The following EHBP1 variants were observed in gnomAD, a reference collection of about 807,000 sequenced individuals.
EHBP1 encodes the protein EH domain binding protein 1, also known as EH domain-binding protein 1.
Under a neutral mutation model 144.0 loss-of-function variants are expected in EHBP1, and 55 were observed. That is an observed-to-expected ratio of 0.38 (90% CI 0.31 to 0.48). The LOEUF (loss-of-function observed/expected upper bound fraction) is 0.48, where lower values mean the gene tolerates loss of function less well. Ranked by LOEUF, EHBP1 falls within the 20% of genes least tolerant of loss-of-function variation. The probability of loss-of-function intolerance (pLI) is 0.98; values close to 1 mark genes in which losing one functional copy is unlikely to be tolerated. For synonymous variants in EHBP1, 469 were observed against 472.7 expected (o/e 0.99, Z 0.10); for missense variants, 1,200 against 1,364.2 (o/e 0.88, Z 1.90).
chr2:62,864,992 T>C, intron 9 of EHBP1, 21 bp downstream of exon 9: 3 of 1,609,758 alleles, frequency 1.9e-6, no homozygotes, highest in East Asian at 2.2e-5. Context: ...TTCATTTTGC[T>C]GTCATCACAA....
chr2:62,817,395 G>C (rs769881704), intron 5 of EHBP1, among the ~76,000 whole-genome samples: 1 of 152,064 alleles, frequency 6.6e-6, no homozygotes, highest in Non-Finnish European at 1.5e-5. Flanking sequence ...AAATGCAGAG[G>C]CTCTAAGGGA....
In EHBP1 at chr2:62,966,260, G is replaced by A. The variant is rs368694779; in HGVS notation, c.2460+10600G>A. Among the ~76,000 whole-genome samples the A allele has an allele frequency of 5.9e-5, 9 of 152,174 alleles. No homozygotes were observed. The East Asian group carries it at 1.7e-3, about 29-fold the overall frequency. On this transcript the variant is annotated intron_variant, in intron 14 of 22. Transcript: ENST00000431489. ...TAGAGGGGGGAGTTTTATAATTTGA[G>A]GAAAGGGAATAGTTAGATTTTTTCC...
chr2:62,877,962 A>G (rs2051033287), intron 10 of EHBP1, among the ~76,000 whole-genome samples: 1 of 152,210 alleles, frequency 6.6e-6, no homozygotes, highest in African/African-American at 2.4e-5. Context: ...CTAGCAGAAG[A>G]TGACAAATCT....
chr2:63,004,415 T>G (rs1372104446), intron 19 of EHBP1, among the ~76,000 whole-genome samples: 1 of 152,094 alleles, frequency 6.6e-6, no homozygotes, highest in Non-Finnish European at 1.5e-5. Flanking sequence ...GAAGGTCCTC[T>G]TCTCTATCAT....
intron 5 of EHBP1, among the ~76,000 whole-genome samples, chr2:62,821,003 A>G (rs2045942966): frequency 6.6e-6 from 1 of 151,452 alleles, no homozygotes; most frequent in Admixed American, 6.6e-5. Flanking sequence ...ATGCTTTATT[A>G]TGTATATTTC....
chr2:62,759,454 G>A (rs959152089), intron 3 of EHBP1, among the ~76,000 whole-genome samples: 1 of 152,096 alleles, frequency 6.6e-6, no homozygotes, highest in African/African-American at 2.4e-5. Context: ...CATCTAGGCT[G>A]GAGTGCAGTG....
chr2:62,703,641 G>A (rs1012197780), upstream of EHBP1, among the ~76,000 whole-genome samples: 3 of 152,164 alleles, frequency 2.0e-5, no homozygotes, highest in Admixed American at 6.5e-5. Flanking sequence ...GGAAAAATAA[G>A]AGTTTACATC....
intron 14 of EHBP1, among the ~76,000 whole-genome samples, chr2:62,975,834 C>T (rs576599137): frequency 9.4e-5 from 14 of 148,420 alleles, no homozygotes; most frequent in South Asian, 2.2e-4. Flanking sequence ...GTCAAGGCTG[C>T]GGTGAGCTGT....
chr2:62,970,862 G>T (rs1179265700), intron 14 of EHBP1, among the ~76,000 whole-genome samples: 1 of 152,166 alleles, frequency 6.6e-6, no homozygotes, highest in African/African-American at 2.4e-5. Flanking sequence ...CCGCTGGGAT[G>T]CCACTGCTGA....
At chr2:62,697,137 C>T (rs1024758035) in intron 1 of EHBP1, among the ~76,000 whole-genome samples, 1 of 152,172 alleles carries the variant, frequency 6.6e-6, no homozygotes, top group Admixed American at 6.5e-5. Flanking sequence ...CAGATCATTT[C>T]TCTCAGACAA....
In EHBP1 at chr2:62,962,639, C is replaced by T. The variant is rs966038055; in HGVS notation, c.2460+6979C>T. Among the ~76,000 whole-genome samples the T allele has an allele frequency of 7.2e-5, 11 of 152,206 alleles. No individual in the cohort carries two copies. The South Asian group carries it at 2.3e-3, about 32-fold the overall frequency. ...TGATGCTATATATGTTTAATTATAACTTTTTTAACAGAATAAAATCTATTT... is the reference window on the plus strand; with the variant it reads ...TGATGCTATATATGTTTAATTATAATTTTTTTAACAGAATAAAATCTATTT... On this transcript the variant is annotated intron_variant, in intron 14 of 22. Transcript: ENST00000431489.
At chr2:62,997,798 G>A (rs912401865) in intron 19 of EHBP1, among the ~76,000 whole-genome samples, 2 of 152,060 alleles carry the variant, frequency 1.3e-5, no homozygotes, top group African/African-American at 4.8e-5. Context: ...AGAACAGGAA[G>A]GAACCTTAGG....
intron 15 of EHBP1, among the ~76,000 whole-genome samples, chr2:62,986,443 C>CTT (rs397869234): frequency 1.6e-4 from 22 of 135,666 alleles, no homozygotes; most frequent in South Asian, 4.7e-4. Flanking sequence ...TTCTTTTTTC[C>CTT]TTTTTTTTTT....
chr2:63,035,265 A>T (rs751633131), intron 19 of EHBP1, among the ~76,000 whole-genome samples: 27 of 152,220 alleles, frequency 1.8e-4, no homozygotes, highest in Admixed American at 5.9e-4. Context: ...ATTTGGTGAT[A>T]CAGAATTGAT....
At chr2:62,908,714 A>G (rs768203036) in intron 10 of EHBP1, among the ~76,000 whole-genome samples, 11 of 152,102 alleles carry the variant, frequency 7.2e-5, no homozygotes, top group Non-Finnish European at 1.6e-4. Context: ...GTAAGTTTTC[A>G]AAATGTCTTT....
At chr2:62,823,063 A>T (rs2046096683) in intron 5 of EHBP1, among the ~76,000 whole-genome samples, 2 of 152,004 alleles carry the variant, frequency 1.3e-5, no homozygotes, top group South Asian at 4.1e-4. Flanking sequence ...TGGAGGGGGG[A>T]TATTACTTTT....
intron 3 of EHBP1, among the ~76,000 whole-genome samples, chr2:62,759,840 A>G (rs962475392): frequency 3.3e-5 from 5 of 152,180 alleles, no homozygotes; most frequent in African/African-American, 1.2e-4. Flanking sequence ...CTAGGTTCAG[A>G]TTACCACTGT....
At chr2:62,710,530 A>G (rs949484843) in intron 2 of EHBP1, among the ~76,000 whole-genome samples, 1 of 151,120 alleles carries the variant, frequency 6.6e-6, no homozygotes, top group Non-Finnish European at 1.5e-5. Flanking sequence ...TTTTAATTAT[A>G]ATTTATATAT....
At chr2:63,008,155 A>G (rs1259359681) in intron 19 of EHBP1, among the ~76,000 whole-genome samples, 1 of 151,774 alleles carries the variant, frequency 6.6e-6, no homozygotes, top group Non-Finnish European at 1.5e-5. Context: ...TACTTTGACT[A>G]TCTAGTTAGC....
Sources: gnomAD v4.1 joint callset for allele counts (sites outside exome capture counted in the v4.1 genomes callset) on GRCh38, gnomAD v4.1.1 for gene constraint, MANE v1.5 for transcripts, NCBI Gene and HGNC (gene_info 2026-07-23, HGNC 2026-07-21) for gene names.